The following SFI1 variants were observed in gnomAD, a reference collection of about 807,000 sequenced individuals.
SFI1 encodes the protein SFI1 centrin binding protein.
Under a neutral mutation model 207.5 loss-of-function variants are expected in SFI1, and 195 were observed. The ratio of observed to expected loss-of-function variants is 0.94; its 90% CI spans 0.84 to 1.06. The LOEUF is 1.06. Ranked by LOEUF, SFI1 falls within the 50% of genes least tolerant of loss-of-function variation. SFI1 has a pLI of 0.00. For missense variants in SFI1, 1,634 were observed against 1,588.0 expected (o/e 1.03, Z -0.49); for synonymous variants, 630 against 598.9 (o/e 1.05, Z -0.76).
intron 11 of SFI1, among the ~76,000 whole-genome samples, chr22:31,578,981 A>G (rs948886228): frequency 2.0e-5 from 3 of 152,140 alleles, no homozygotes; most frequent in East Asian, 1.9e-4. Flanking sequence ...TGCTTAGCCA[A>G]TTTGTGAGGC....
Position 31,546,885 on chromosome 22 carries a change from A to G in SFI1, c.363A>G (p.Leu121=), listed in dbSNP as rs1703157707. Residue 121 remains leucine, a synonymous_variant, in exon 5 of 33, where the codon CTA becomes CTG. Transcript: ENST00000400288. ...GATTTTACTATGAGCAGCGATTACT[A>G]CGGAAGGTCTTCGAAGAATGGAAAG... is the stretch of plus-strand genomic sequence containing the variant. ...KARFYYEQRL[L]RKVFEEWKEE... 1 of 1,611,498 alleles carries G rather than the reference A, an allele frequency of 6.2e-7. No individual in the cohort carries two copies. The highest frequency in any genetic ancestry group is 8.5e-7 in the Non-Finnish European group (1 of 1,178,816).
At chr22:31,522,234 AT>A (rs2057366871) in intron 2 of SFI1, among the ~76,000 whole-genome samples, 1 of 150,418 alleles carries the variant, frequency 6.6e-6, no homozygotes, top group Non-Finnish European at 1.5e-5. Context: ...TGCCCAGATA[AT>A]TTTTGTATTT....
intron 13 of SFI1, among the ~76,000 whole-genome samples, chr22:31,584,802 C>T (rs2064806480): frequency 6.6e-6 from 1 of 151,948 alleles, no homozygotes; most frequent in African/African-American, 2.4e-5. Context: ...ACACATATTT[C>T]CTAAATTCCA....
intron 5 of SFI1, among the ~76,000 whole-genome samples, chr22:31,547,210 A>G (rs556231093): frequency 3.3e-5 from 5 of 152,220 alleles, no homozygotes; most frequent in African/African-American, 1.2e-4. Flanking sequence ...GGTAACCATT[A>G]TGTATTGGTT....
chr22:31,528,745 A>G lies in SFI1; in HGVS notation c.148A>G (p.Lys50Glu), dbSNP rs2058180663. Residue 50 changes from lysine to glutamate, a missense_variant, in exon 3 of 33, where the codon AAG becomes GAG. Coordinates refer to ENST00000400288, the MANE Select transcript of SFI1 (RefSeq NM_001007467.3). ...TTATTCTGCAAAGACACTGTCCAAC[A>G]AGAAGTCTTCTGCATCCTTTGGGAT... ...KPYSAKTLSN[K>E]KSSASFGIRR... is the part of the protein sequence containing the mutation. The G allele has an allele frequency of 1.9e-6, 3 of 1,614,224 alleles. No individual in the cohort carries two copies. The highest frequency in any genetic ancestry group is 2.5e-6 in the Non-Finnish European group (3 of 1,180,044).
At chr22:31,560,702 C>CTTT (rs760344163) in intron 7 of SFI1, among the ~76,000 whole-genome samples, 3 of 125,120 alleles carry the variant, frequency 2.4e-5, no homozygotes, top group African/African-American at 9.0e-5. Flanking sequence ...CACGCCTGGC[C>CTTT]TTTTTTTTTT....
In SFI1 at chr22:31,615,108, G is replaced by A. The variant is rs557548976; in HGVS notation, c.3129G>A (p.Thr1043=). The A allele has an allele frequency of 9.3e-5, 150 of 1,606,548 alleles. 1 individual carries two copies. In the East Asian group the frequency reaches 2.6e-3, roughly 28 times the overall value. Residue 1043 remains threonine (T), a synonymous_variant, in exon 29 of 33, where the codon ACG becomes ACA. Transcript: ENST00000400288. Reference sequence around the variant, plus strand: ...CTCAGCCAGCAGCCCCCTCCCTGACGCGGCCCTTCCTGGCAGAGGCCCCGA... The same window carrying A: ...CTCAGCCAGCAGCCCCCTCCCTGACACGGCCCTTCCTGGCAGAGGCCCCGA... ...GMAQPAAPSL[T]RPFLAEAPTA... is the part of the protein sequence containing the mutation.
intron 4 of SFI1, 99 bp from the exon 5 acceptor site, chr22:31,546,762 C>T (rs948265140): frequency 1.3e-5 from 10 of 762,308 alleles, no homozygotes; most frequent in East Asian, 3.3e-5. Flanking sequence ...CCACCACGCC[C>T]GGCTGTACTT....
chr22:31,605,728 G>A (rs2068855150), intron 20 of SFI1: 1 of 152,528 alleles, frequency 6.6e-6, no homozygotes, highest in African/African-American at 2.4e-5. Context: ...GTATGCCTGT[G>A]GTTCAGGTAC....
intron 1 of SFI1, among the ~76,000 whole-genome samples, chr22:31,497,539 C>T (rs965484352): frequency 1.3e-5 from 2 of 152,144 alleles, no homozygotes; most frequent in Admixed American, 6.6e-5. Context: ...TCCTCCCTCT[C>T]GGTCCTCCTT....
intron 14 of SFI1, among the ~76,000 whole-genome samples, chr22:31,588,953 T>TA (rs2065412910): frequency 6.6e-6 from 1 of 152,198 alleles, no homozygotes; most frequent in African/African-American, 2.4e-5. Flanking sequence ...TTCCTACTGA[T>TA]GTATCAGTAA....
chr22:31,548,518 C>G (rs149907727), intron 5 of SFI1, among the ~76,000 whole-genome samples: 1 of 151,970 alleles, frequency 6.6e-6, no homozygotes, highest in Admixed American at 6.6e-5. Context: ...CGGCATGCGC[C>G]TGTAGTACCA....
At chr22:31,565,548 A>AT (rs2062207999) in intron 8 of SFI1, among the ~76,000 whole-genome samples, 1 of 151,608 alleles carries the variant, frequency 6.6e-6, no homozygotes, top group Admixed American at 6.6e-5. Context: ...AAAAAAAAAA[A>AT]ATTAGCTAGA....
intron 2 of SFI1, among the ~76,000 whole-genome samples, chr22:31,519,939 G>A (rs2057010872): frequency 1.3e-5 from 2 of 151,068 alleles, no homozygotes; most frequent in African/African-American, 4.9e-5. Flanking sequence ...GCTAATTTTT[G>A]TATTTTTGGT....
At chr22:31,515,609 T>C (rs577455728) in intron 2 of SFI1, among the ~76,000 whole-genome samples, 1 of 151,862 alleles carries the variant, frequency 6.6e-6, no homozygotes, top group East Asian at 1.9e-4. Context: ...GGTCTTGAAC[T>C]CCAGAGCTCA....
In SFI1 at chr22:31,588,256, T is replaced by A. The variant is rs570796868; in HGVS notation, c.1414-1191T>A. Among the ~76,000 whole-genome samples, 4 of 152,236 alleles carry A rather than the reference T, an allele frequency of 2.6e-5. No homozygotes were observed. In the South Asian group the frequency reaches 8.3e-4, roughly 32 times the overall value. On this transcript the variant is annotated intron_variant, in intron 14 of 32. Transcript: ENST00000400288. ...CTGGGAATGTTAACCAAAGAACCTG[T>A]GTATGACCTCTCTGTGAGGCTTGGG...
intron 2 of SFI1, among the ~76,000 whole-genome samples, chr22:31,518,204 G>C (rs753266006): frequency 5.9e-5 from 9 of 152,038 alleles, no homozygotes; most frequent in Non-Finnish European, 1.3e-4. Context: ...CCAGGCTGGT[G>C]GTCTTGAACT....
chr22:31,562,939 G>T (rs1209429239), intron 8 of SFI1, among the ~76,000 whole-genome samples: 1 of 150,634 alleles, frequency 6.6e-6, no homozygotes. Context: ...GCCGCTTGGA[G>T]CCAGGTTTTA....
intron 4 of SFI1, among the ~76,000 whole-genome samples, chr22:31,532,878 C>T (rs1230426950): frequency 2.6e-5 from 4 of 152,112 alleles, no homozygotes; most frequent in African/African-American, 9.7e-5. Flanking sequence ...AAAGATAAGC[C>T]TTAGGGATAT....
Sources: gnomAD v4.1 joint callset for allele counts (sites outside exome capture counted in the v4.1 genomes callset) on GRCh38, gnomAD v4.1.1 for gene constraint, MANE v1.5 for transcripts, NCBI Gene and HGNC (gene_info 2026-07-23, HGNC 2026-07-21) for gene names.